The following NRDC variants were observed in gnomAD, a reference collection of about 807,000 sequenced individuals.
The protein encoded by NRDC is nardilysin convertase.
Under a neutral mutation model 147.1 loss-of-function variants are expected in NRDC, and 54 were observed. That is an observed-to-expected ratio of 0.37 (90% CI 0.29 to 0.46). The LOEUF is 0.46. Among genes scored for constraint, NRDC ranks in the 20% least tolerant of loss-of-function variants. The pLI is 1.00. For missense variants in NRDC, 1,082 were observed against 1,370.6 expected, an observed-to-expected ratio of 0.79 and a Z score of 3.33; for synonymous variants, 440 against 482.1, an observed-to-expected ratio of 0.91 and a Z score of 1.14.
In NRDC at chr1:51,790,631, G is replaced by A. The variant is rs757914260; in HGVS notation, c.3070C>T (p.Leu1024=). 27 of 1,612,992 alleles carry A rather than the reference G, an allele frequency of 1.7e-5. No homozygotes were observed. In the Middle Eastern group the frequency reaches 8.3e-4, roughly 49 times the overall value. The stretch of plus-strand genomic sequence containing the variant: ...AGGTGGGTATCCTCACACTCCTTCA[G>A]CTTGATGAGAGCTGTGACCTGTTCC... ...FNTQVTALIK[L]KECEDTHLGE... is the part of the protein sequence containing the mutation. Residue 1024 remains leucine (L), a synonymous_variant, in exon 29 of 31, where the codon CTG becomes TTG. Coordinates refer to ENST00000352171, the MANE Select transcript of NRDC (RefSeq NM_001101662.2).
At chr1:51,827,943 A>C (rs1680517008) in intron 4 of NRDC, 74 bp from the exon 5 acceptor site, 1 of 1,126,198 alleles carries the variant, frequency 8.9e-7, no homozygotes, top group South Asian at 1.3e-5. Context: ...TTTAATTAAG[A>C]AACTTACTAA....
rs1683440273 is a variant in NRDC at position 51,878,443 on chromosome 1, G to A, written c.173C>T (p.Ser58Phe). 1 of 1,614,100 alleles carries A rather than the reference G, an allele frequency of 6.2e-7. No homozygotes were observed. ...CTGCAGGTCAGGGCAGCTGCAGGTA[G>A]ACTTCGCCTTGTTCCTTCCAGGCAT... The part of the protein sequence containing the change: ...LAMPGRNKAK[S>F]TCSCPDLQPN... Residue 58 changes from serine (S) to phenylalanine (F), a missense_variant, in exon 1 of 31, where the codon TCT becomes TTT. Physicochemically the swap from Ser to Phe is radical, Grantham distance 155 (BLOSUM62 -2). Transcript: ENST00000352171.
intron 1 of NRDC, among the ~76,000 whole-genome samples, chr1:51,876,705 A>C (rs1683345310): frequency 6.6e-6 from 1 of 152,206 alleles, no homozygotes; most frequent in South Asian, 2.1e-4. Context: ...ATATATCTAG[A>C]CTTGAAGTGA....
In NRDC at chr1:51,860,898, T is replaced by C. The variant is rs1228093220; in HGVS notation, c.341+17377A>G. On this transcript the variant is annotated intron_variant, in intron 1 of 30. Coordinates refer to ENST00000352171, the MANE Select transcript of NRDC (RefSeq NM_001101662.2). ...TTTTGTTAATATTTCCCAATTAAGT[T>C]GTCCAGAGTATGAAAAATTATATGC... 2.6e-5 allele frequency among the ~76,000 whole-genome samples: 4 copies of C among 152,160 alleles called. No individual in the cohort carries two copies. The South Asian group carries it at 8.3e-4, about 32-fold the overall frequency.
chr1:51,798,472 TAAAGA>T (rs1557898997), intron 21 of NRDC, 61 bp from the exon 22 acceptor site: 1 of 1,393,674 alleles, frequency 7.2e-7, no homozygotes, highest in Non-Finnish European at 9.9e-7. Context: ...ATCTTCAGAA[TAAAGA>T]AATGTTTGGT....
At chr1:51,805,659 A>C in intron 18 of NRDC, 98 bp from the exon 19 acceptor site, 1 of 694,252 alleles carries the variant, frequency 1.4e-6, no homozygotes, top group Non-Finnish European at 2.4e-6. Flanking sequence ...TAAATTCTGA[A>C]GTAAACTACT....
At chr1:51,867,863 C>T (rs1682892179) in intron 1 of NRDC, among the ~76,000 whole-genome samples, 1 of 152,116 alleles carries the variant, frequency 6.6e-6, no homozygotes. Context: ...ACCAGAGAAA[C>T]TGAATAGCTA....
At position 51,853,585 on chromosome 1, in the gene NRDC, T is replaced by G. The variant is rs543969846; in HGVS notation, c.342-13071A>C. Among the ~76,000 whole-genome samples, 6 of 152,312 alleles carry G rather than the reference T, an allele frequency of 3.9e-5. No individual in the cohort carries two copies. The South Asian group carries it at 1.2e-3, about 32-fold the overall frequency. On this transcript the variant is annotated intron_variant, in intron 1 of 30. Transcript: ENST00000352171. ...GAGTGGCATCCTATGAGCACATGAT[T>G]AGAAATCTCTCTCTTTAGGAATTCT...
chr1:51,835,000 T>G (rs1680882479), intron 3 of NRDC, among the ~76,000 whole-genome samples: 1 of 152,158 alleles, frequency 6.6e-6, no homozygotes, highest in Admixed American at 6.5e-5. Context: ...TAATTTAAAA[T>G]AAATATTTGT....
At chr1:51,877,359 T>G (rs1683382769) in intron 1 of NRDC, among the ~76,000 whole-genome samples, 1 of 151,988 alleles carries the variant, frequency 6.6e-6, no homozygotes, top group Non-Finnish European at 1.5e-5. Flanking sequence ...TGAACTCTAT[T>G]TAAAATACAT....
intron 1 of NRDC, among the ~76,000 whole-genome samples, chr1:51,850,156 A>T (rs893456223): frequency 6.6e-6 from 1 of 151,932 alleles, no homozygotes; most frequent in Non-Finnish European, 1.5e-5. Flanking sequence ...CAGCCCGGGC[A>T]ACAGAGCGAG....
In NRDC at chr1:51,806,908, C is replaced by G; in HGVS notation, c.1996G>C (p.Asp666His). Reference protein sequence around the residue: ...LPAENKYIATDFTLKAFDCPE... With the variant: ...LPAENKYIATHFTLKAFDCPE... Reference sequence around the variant, plus strand: ...CAATCGAAAGCCTTCAACGTAAAGTCCGTGGCTAATAAAAGAAGATAATAA... The same window carrying G: ...CAATCGAAAGCCTTCAACGTAAAGTGCGTGGCTAATAAAAGAAGATAATAA... The change falls in exon 18 of 31, where the codon GAC becomes CAC. Residue 666 changes from aspartate to histidine, a missense_variant. Physicochemically the swap from Asp to His is moderately conservative, Grantham distance 81. This residue lies in a region of NRDC where 635 missense variants were observed against 923.8 expected (regional missense o/e 0.69). Transcript: ENST00000352171. The G allele has an allele frequency of 6.2e-7, 1 of 1,612,378 alleles. No homozygotes were observed. The highest frequency in any genetic ancestry group is 8.5e-7 in the Non-Finnish European group (1 of 1,179,460).
At chr1:51,857,526 AC>A (rs1278208006) in intron 1 of NRDC, among the ~76,000 whole-genome samples, 1 of 152,176 alleles carries the variant, frequency 6.6e-6, no homozygotes, top group African/African-American at 2.4e-5. Context: ...CAAGCAAGGT[AC>A]CCCTCAGACT....
At chr1:51,790,310 T>C (rs1357473685) in intron 29 of NRDC, among the ~76,000 whole-genome samples, 2 of 152,182 alleles carry the variant, frequency 1.3e-5, no homozygotes, top group African/African-American at 4.8e-5. Flanking sequence ...GCTGCTCTGA[T>C]TGAAATTGGT....
In NRDC at chr1:51,789,667, G is replaced by A. The variant is rs1286932588; in HGVS notation, c.3169-10C>T. On this transcript the variant is annotated splice_polypyrimidine_tract_variant and intron_variant, in intron 29 of 30. Transcript: ENST00000352171. The stretch of plus-strand genomic sequence containing the variant: ...ACTTCAGTGCTTCAATCTTACAAGG[G>A]AAGGGAAGATAGGAAAGAAATTCAA... The A allele has an allele frequency of 1.3e-6, 2 of 1,592,216 alleles. No homozygotes were observed. The highest frequency in any genetic ancestry group is 2.7e-5 in the African/African-American group (2 of 74,448).
At chr1:51,869,959 GC>G (rs368413261) in intron 1 of NRDC, among the ~76,000 whole-genome samples, 12 of 152,250 alleles carry the variant, frequency 7.9e-5, no homozygotes, top group African/African-American at 2.9e-4. Flanking sequence ...TGTTGCCCAG[GC>G]TGGTCTTGAA....
chr1:51,848,783 AC>A (rs1681786966), intron 1 of NRDC, among the ~76,000 whole-genome samples: 2 of 152,322 alleles, frequency 1.3e-5, no homozygotes, highest in African/African-American at 4.8e-5. Context: ...ACATGTCTTA[AC>A]CCAGTTAATC....
At chr1:51,846,040 A>G (rs989134235) in intron 1 of NRDC, among the ~76,000 whole-genome samples, 2 of 152,204 alleles carry the variant, frequency 1.3e-5, no homozygotes, top group African/African-American at 4.8e-5. Flanking sequence ...AAAGTACACA[A>G]ATCAAATGGA....
intron 27 of NRDC, 67 bp downstream of exon 27, chr1:51,791,511 A>G (rs568116500): frequency 1.3e-5 from 17 of 1,337,732 alleles, no homozygotes; most frequent in Non-Finnish European, 1.7e-5. Context: ...GGTTTAAGGA[A>G]ACACATGTAG....
Sources: allele counts gnomAD v4.1 joint callset (sites outside exome capture counted in the v4.1 genomes callset), GRCh38; gene constraint gnomAD v4.1.1; regional missense constraint gnomAD v4.1.1; transcripts MANE v1.5; gene names NCBI Gene and HGNC (gene_info 2026-07-23, HGNC 2026-07-21).